The following MYO16 variants were observed in gnomAD, a reference collection of about 807,000 sequenced individuals.
MYO16 encodes the protein unconventional myosin-XVI.
MYO16 carries 94 observed loss-of-function variants against 205.3 expected under a neutral mutation model. The ratio of observed to expected loss-of-function variants is 0.46; its 90% CI spans 0.39 to 0.54. The LOEUF (loss-of-function observed/expected upper bound fraction) is 0.54. Among genes scored for constraint, MYO16 ranks in the 20% least tolerant of loss-of-function variants. The pLI is 0.00. For missense variants in MYO16, 2,315 were observed against 2,387.5 expected (o/e 0.97, Z 0.63); for synonymous variants, 988 against 954.0 (o/e 1.04, Z -0.66).
intron 7 of MYO16, among the ~76,000 whole-genome samples, chr13:108,812,617 T>C (rs1887328632): frequency 2.0e-5 from 3 of 152,146 alleles, no homozygotes. Flanking sequence ...TGAAAGGGAT[T>C]TCAACCAAAG....
At chr13:108,566,762 G>C in the MYO16 span, among the ~76,000 whole-genome samples, 2 of 150,908 alleles carry the variant, frequency 1.3e-5, no homozygotes, top group Non-Finnish European at 1.5e-5. Context: ...AGGAAGGAAG[G>C]AAGGAAGGAA....
intron 21 of MYO16, among the ~76,000 whole-genome samples, chr13:108,995,368 C>T (rs999367394): frequency 2.0e-5 from 3 of 152,200 alleles, no homozygotes; most frequent in African/African-American, 7.2e-5. Flanking sequence ...AATCCCATCA[C>T]TTTGGCAAAT....
chr13:108,976,816 A>G (rs1427807237), intron 20 of MYO16, among the ~76,000 whole-genome samples: 1 of 152,198 alleles, frequency 6.6e-6, no homozygotes, highest in Non-Finnish European at 1.5e-5. Context: ...GGAAAAATTC[A>G]GTAGTCAAGA....
At position 109,127,406 on chromosome 13, in the gene MYO16, T is replaced by C. The variant is rs766080471; in HGVS notation, c.3907T>C (p.Phe1303Leu). The change falls in exon 31 of 35, where the codon TTC becomes CTC. Residue 1303 changes from phenylalanine to leucine, a missense_variant. Transcript: ENST00000457511. This position sits in a 1 kb window ranked among gnomAD's most constrained non-coding sequence, Gnocchi z 4.2. ...CTGGTCTCCTTCGCTGCACTCGGTGTTCAGCATGGATGACAGCAGCAGCCT... is the reference window on the plus strand; with the variant it reads ...CTGGTCTCCTTCGCTGCACTCGGTGCTCAGCATGGATGACAGCAGCAGCCT... Reference protein sequence around the residue: ...SIWSPSLHSVFSMDDSSSLPS... With the variant: ...SIWSPSLHSVLSMDDSSSLPS... The C allele has an allele frequency of 2.5e-6, 4 of 1,613,970 alleles. No homozygotes were observed. The highest frequency in any genetic ancestry group is 2.7e-5 in the African/African-American group (2 of 75,028).
At chr13:108,854,534 A>T (rs1440825084) in intron 10 of MYO16, among the ~76,000 whole-genome samples, 1 of 152,194 alleles carries the variant, frequency 6.6e-6, no homozygotes. Context: ...TATAATACAG[A>T]TACAAATACA....
At chr13:109,107,765 C>G (rs1421939771) in intron 28 of MYO16, among the ~76,000 whole-genome samples, 2 of 149,244 alleles carry the variant, frequency 1.3e-5, no homozygotes, top group Non-Finnish European at 3.0e-5. Context: ...CCTAAGAGTA[C>G]ACCTTGAAAC....
chr13:108,507,224 A>AT, the MYO16 span, among the ~76,000 whole-genome samples: 4 of 152,078 alleles, frequency 2.6e-5, no homozygotes, highest in African/African-American at 9.7e-5. Flanking sequence ...AGATCTTTAT[A>AT]TTTTTACAGG....
At chr13:109,167,848 C>A (rs1878750935) in intron 33 of MYO16, among the ~76,000 whole-genome samples, 1 of 151,642 alleles carries the variant, frequency 6.6e-6, no homozygotes, top group Admixed American at 6.6e-5. Context: ...CCCAAAAATT[C>A]CTGTAATAAT....
chr13:108,712,281 TA>T (rs1307732759), intron 2 of MYO16, among the ~76,000 whole-genome samples: 1 of 152,164 alleles, frequency 6.6e-6, no homozygotes, highest in Non-Finnish European at 1.5e-5. Flanking sequence ...CTTAATGAAT[TA>T]AAAAATAAAA....
chr13:108,634,156 C>A (rs1880113544), intron 1 of MYO16, among the ~76,000 whole-genome samples: 1 of 152,096 alleles, frequency 6.6e-6, no homozygotes, highest in Admixed American at 6.5e-5. Flanking sequence ...CTCTCCTGTA[C>A]CCTCGTCTTG....
At chr13:108,712,595 C>T in intron 2 of MYO16, 66 bp from the exon 3 acceptor site, 1 of 1,379,284 alleles carries the variant, frequency 7.3e-7, no homozygotes, top group South Asian at 1.2e-5. Flanking sequence ...CGAAAGCCTA[C>T]ACATTTGGTT....
At chr13:108,933,167 C>T (rs1170862414) in intron 16 of MYO16, among the ~76,000 whole-genome samples, 1 of 152,106 alleles carries the variant, frequency 6.6e-6, no homozygotes, top group Non-Finnish European at 1.5e-5. Flanking sequence ...CATTCACTAA[C>T]TGTGTGTGGC....
intron 4 of MYO16, among the ~76,000 whole-genome samples, chr13:108,736,428 A>T (rs1884702308): frequency 6.6e-6 from 1 of 152,040 alleles, no homozygotes; most frequent in African/African-American, 2.4e-5. Flanking sequence ...TGTTTTTGTC[A>T]GGTTTGTCAA....
At chr13:108,800,556 A>G (rs1886940942) in intron 6 of MYO16, among the ~76,000 whole-genome samples, 1 of 152,118 alleles carries the variant, frequency 6.6e-6, no homozygotes, top group Non-Finnish European at 1.5e-5. Flanking sequence ...TTGGGATATG[A>G]TTTATAGTAT....
intron 4 of MYO16, among the ~76,000 whole-genome samples, chr13:108,741,020 G>A (rs144890069): frequency 0.017 from 2,566 of 152,194 alleles, 74 homozygotes; most frequent in African/African-American, 0.057. Flanking sequence ...CGATTTTCCA[G>A]GTGCTGTCTG....
intron 2 of MYO16, among the ~76,000 whole-genome samples, chr13:108,709,443 T>C (rs370177347): frequency 1.3e-5 from 1 of 77,758 alleles, no homozygotes; most frequent in East Asian, 3.6e-4. Context: ...TCTAGCTCCA[T>C]CATGTACCTA....
At chr13:108,616,816 A>C (rs1879365989) in intron 1 of MYO16, among the ~76,000 whole-genome samples, 1 of 152,216 alleles carries the variant, frequency 6.6e-6, no homozygotes, top group African/African-American at 2.4e-5. Flanking sequence ...TCTTAATTGA[A>C]TATGAAAAGA....
chr13:108,550,435 G>A, the MYO16 span, among the ~76,000 whole-genome samples: 2 of 152,238 alleles, frequency 1.3e-5, no homozygotes, highest in Non-Finnish European at 2.9e-5. Context: ...CCTTGGACTT[G>A]AATCTAGAGT....
the MYO16 span, among the ~76,000 whole-genome samples, chr13:108,574,802 A>C: frequency 6.6e-6 from 1 of 152,118 alleles, no homozygotes; most frequent in South Asian, 2.1e-4. Context: ...TGTTAAACAC[A>C]GTTGTTAATC....
Sources: gnomAD v4.1 joint callset for allele counts (sites outside exome capture counted in the v4.1 genomes callset) on GRCh38, gnomAD v4.1.1 for gene constraint, Gnocchi (gnomAD v3.1) non-coding constraint, MANE v1.5 for transcripts, NCBI Gene and HGNC (gene_info 2026-07-23, HGNC 2026-07-21) for gene names.